KCNJ6: variants seen among roughly 807,000 people sequenced by gnomAD.
KCNJ6 encodes the protein G protein-activated inward rectifier potassium channel 2.
A neutral mutation model predicts 34.2 loss-of-function variants in KCNJ6; 9 were observed. The ratio of observed to expected loss-of-function variants is 0.26; its 90% confidence interval spans 0.16 to 0.46. The LOEUF (loss-of-function observed/expected upper bound fraction) is 0.46. KCNJ6 is among the 20% of genes least tolerant of loss of function. KCNJ6 has a pLI of 1.00. For missense variants in KCNJ6, 236 were observed against 531.3 expected, an observed-to-expected ratio of 0.44 and a Z score of 5.46; for synonymous variants, 196 against 207.1, an observed-to-expected ratio of 0.95 and a Z score of 0.46.
intron 1 of KCNJ6, among the ~76,000 whole-genome samples, chr21:37,871,617 C>T (rs2055652768): frequency 6.6e-6 from 1 of 152,184 alleles, no homozygotes; most frequent in South Asian, 2.1e-4. Context: ...CTACATGACT[C>T]ATGGCTCTCT....
At chr21:37,848,880 T>C (rs770061246) in intron 1 of KCNJ6, among the ~76,000 whole-genome samples, 13 of 152,230 alleles carry the variant, frequency 8.5e-5, no homozygotes, top group African/African-American at 1.4e-4. Context: ...CTTGAAATAC[T>C]GTGGGACAAG....
At chr21:37,766,030 G>A (rs1014423681) in intron 2 of KCNJ6, among the ~76,000 whole-genome samples, 2 of 152,188 alleles carry the variant, frequency 1.3e-5, no homozygotes, top group African/African-American at 4.8e-5. Flanking sequence ...TTTTCCTGAA[G>A]AGCCTGTTGA....
intron 2 of KCNJ6, among the ~76,000 whole-genome samples, chr21:37,825,613 T>G (rs1601489572): frequency 6.6e-6 from 1 of 152,200 alleles, no homozygotes; most frequent in Admixed American, 6.5e-5. Context: ...TACTGTGCTT[T>G]CCTGCCTCTA....
intron 2 of KCNJ6, among the ~76,000 whole-genome samples, chr21:37,722,454 G>A (rs998156739): frequency 3.3e-5 from 5 of 152,148 alleles, no homozygotes; most frequent in African/African-American, 1.2e-4. Context: ...AAATTCATAT[G>A]GAACCAAAAA....
chr21:37,646,215 A>G (rs1373760141), intron 3 of KCNJ6, among the ~76,000 whole-genome samples: 1 of 152,138 alleles, frequency 6.6e-6, no homozygotes, highest in East Asian at 1.9e-4. Flanking sequence ...TAGCATTTCA[A>G]ATATTTTTTA....
chr21:37,867,105 G>A (rs2055626416), intron 1 of KCNJ6, among the ~76,000 whole-genome samples: 1 of 152,112 alleles, frequency 6.6e-6, no homozygotes, highest in African/African-American at 2.4e-5. Flanking sequence ...ATAGAAATGT[G>A]CCATTCTTTG....
At chr21:37,910,479 T>C (rs1166244419) in intron 1 of KCNJ6, among the ~76,000 whole-genome samples, 1 of 152,228 alleles carries the variant, frequency 6.6e-6, no homozygotes, top group Non-Finnish European at 1.5e-5. Context: ...TATAGATATG[T>C]CTCTCACATT....
intron 1 of KCNJ6, among the ~76,000 whole-genome samples, chr21:37,869,837 G>A (rs1205489812): frequency 2.0e-5 from 3 of 152,226 alleles, no homozygotes; most frequent in African/African-American, 4.8e-5. Context: ...GATGGCAGTG[G>A]TCCCTTTAGC....
intron 1 of KCNJ6, among the ~76,000 whole-genome samples, chr21:37,859,531 A>ATATATATATATATATATATAT (rs1491433754): frequency 3.5e-5 from 3 of 86,404 alleles, no homozygotes; most frequent in African/African-American, 1.2e-4. Flanking sequence ...ATATATATAT[A>ATATATATATATATATATATAT]AAATACTTAA....
intron 1 of KCNJ6, among the ~76,000 whole-genome samples, chr21:37,847,093 A>G (rs1226031982): frequency 2.0e-5 from 3 of 152,272 alleles, no homozygotes; most frequent in African/African-American, 7.2e-5. Context: ...ACAAATGGAA[A>G]TGAGTAGTCG....
intron 2 of KCNJ6, among the ~76,000 whole-genome samples, chr21:37,796,126 C>T (rs375140564): frequency 2.6e-5 from 4 of 152,108 alleles, no homozygotes; most frequent in African/African-American, 7.2e-5. Context: ...TTACATTTGC[C>T]GTAGCCCGTG....
At chr21:37,768,944 G>A (rs2055104174) in intron 2 of KCNJ6, among the ~76,000 whole-genome samples, 1 of 152,230 alleles carries the variant, frequency 6.6e-6, no homozygotes, top group African/African-American at 2.4e-5. Context: ...TCAGATGGAA[G>A]TTTACCTGCA....
intron 3 of KCNJ6, among the ~76,000 whole-genome samples, chr21:37,658,580 T>C (rs1051961202): frequency 2.6e-5 from 4 of 152,192 alleles, no homozygotes. Flanking sequence ...TTTTGGCTTG[T>C]CTGCAGAATA....
At chr21:37,652,657 C>T (rs771376551) in intron 3 of KCNJ6, among the ~76,000 whole-genome samples, 19 of 152,100 alleles carry the variant, frequency 1.2e-4, no homozygotes, top group Admixed American at 3.9e-4. Flanking sequence ...TACCCTGGGA[C>T]ACAGGACTTT....
intron 2 of KCNJ6, among the ~76,000 whole-genome samples, chr21:37,740,331 T>C (rs2054934601): frequency 1.3e-5 from 2 of 152,132 alleles, no homozygotes; most frequent in Non-Finnish European, 2.9e-5. Flanking sequence ...TACAATCTAC[T>C]CTCTCTGAAG....
chr21:37,779,392 C>G (rs1028521277), intron 2 of KCNJ6, among the ~76,000 whole-genome samples: 1 of 152,168 alleles, frequency 6.6e-6, no homozygotes, highest in East Asian at 1.9e-4. Flanking sequence ...TCATTTATTT[C>G]AAGGTATAGC....
At chr21:37,858,829 G>A (rs779562716) in intron 1 of KCNJ6, among the ~76,000 whole-genome samples, 1 of 152,002 alleles carries the variant, frequency 6.6e-6, no homozygotes, top group Non-Finnish European at 1.5e-5. Flanking sequence ...AGGGAATAAA[G>A]GTCAGCACTA....
intron 3 of KCNJ6, among the ~76,000 whole-genome samples, chr21:37,648,557 T>G (rs576417423): frequency 7.6e-4 from 115 of 152,306 alleles, no homozygotes; most frequent in Non-Finnish European, 1.4e-3. Flanking sequence ...CCTGGATACT[T>G]TAATTTCACT....
At position 37,796,886 on chromosome 21, in the gene KCNJ6, C is replaced by T. The variant is rs575025120; in HGVS notation, c.25+43772G>A. On this transcript the variant is annotated intron_variant, in intron 2 of 3. Coordinates refer to ENST00000609713, the MANE Select transcript of KCNJ6 (RefSeq NM_002240.5). ...TCGGCTCACTGCAAGCTCCGCTTCC[C>T]GGGTTCACGCCATTCTCCTGCCTCA... Among the ~76,000 whole-genome samples, 444 of 148,794 alleles carry T rather than the reference C, an allele frequency of 3.0e-3. 1 individual carries two copies. Among genetic ancestry groups the T allele is most frequent in the Middle Eastern group, 0.014 (4 of 286 alleles).
Sources: gnomAD v4.1 joint callset for allele counts (sites outside exome capture counted in the v4.1 genomes callset) on GRCh38, gnomAD v4.1.1 for gene constraint, MANE v1.5 for transcripts, NCBI Gene and HGNC (gene_info 2026-07-23, HGNC 2026-07-21) for gene names.